The following SUN2 variants were observed in gnomAD, a reference collection of about 807,000 sequenced individuals.
SUN2 encodes SUN domain-containing protein 2.
SUN2 carries 60 observed loss-of-function variants against 100.0 expected under a neutral mutation model. The ratio of observed to expected loss-of-function variants is 0.60; its 90% CI spans 0.49 to 0.74. The LOEUF (loss-of-function observed/expected upper bound fraction) is 0.74. Ranked by LOEUF, SUN2 falls within the 30% of genes least tolerant of loss-of-function variation. The pLI, the probability that SUN2 is intolerant of heterozygous loss-of-function variation, is 0.00. For synonymous variants in SUN2, 367 were observed against 403.3 expected, an observed-to-expected ratio of 0.91 and a Z score of 1.08; for missense variants, 834 against 954.6, an observed-to-expected ratio of 0.87 and a Z score of 1.66.
In SUN2 at chr22:38,738,278, C is replaced by G; in HGVS notation, c.1948-13G>C. 1 of 1,610,394 alleles carries G rather than the reference C, an allele frequency of 6.2e-7. No homozygotes were observed. Among genetic ancestry groups the G allele is most frequent in the South Asian group, 1.1e-5 (1 of 90,946 alleles). On this transcript the variant is annotated splice_polypyrimidine_tract_variant and intron_variant, in intron 16 of 17. Transcript: ENST00000689035. This position sits in a 1 kb window ranked among gnomAD's most constrained non-coding sequence, Gnocchi z 6.6. ...CTTCGTCAAACCCCTGCAAAGAGAG[C>G]GGAGGGAAGTGGGGAGGGGCTGGAG...
At chr22:38,741,163 C>G in intron 10 of SUN2, 113 bp from the exon 11 acceptor site, 1 of 1,181,656 alleles carries the variant, frequency 8.5e-7, no homozygotes, top group Non-Finnish European at 1.2e-6. Flanking sequence ...TGCCCAAGGT[C>G]TCTTGACCCC....
Position 38,738,362 on chromosome 22 carries a change from C to G in SUN2, c.1948-97G>C. On this transcript the variant is annotated intron_variant, in intron 16 of 17. Transcript: ENST00000689035. This position sits in a 1 kb window ranked among gnomAD's most constrained non-coding sequence, Gnocchi z 6.6. The stretch of plus-strand genomic sequence containing the variant: ...CTCCTCCCACCCAGCAGGTCAGGCA[C>G]CAGAGTGGCCTATGACAAGTCACTT... 8.4e-7 allele frequency: 1 copy of G among 1,190,860 alleles called. No homozygotes were observed. Among genetic ancestry groups the G allele is most frequent in the Non-Finnish European group, 1.2e-6 (1 of 828,342 alleles). 73.8% of individuals were successfully genotyped at this position (1,190,860 alleles called of 1,614,324 possible). A position where few individuals can be genotyped will look rare whatever the true frequency, so the allele number is the denominator to read the frequency against.
rs765469369 is a variant in SUN2 at position 38,736,098 on chromosome 22, G to C, written c.*169C>G. The stretch of plus-strand genomic sequence containing the variant: ...GCTGCTGGAGCCTGCTAACCGCCTC[G>C]AGCCACCTGCTGCTCAGGAGACCCT... On this transcript the variant is annotated 3_prime_UTR_variant, in exon 18 of 18. Transcript: ENST00000689035. 4.2e-6 allele frequency: 3 copies of C among 706,996 alleles called. No individual in the cohort carries two copies. Among genetic ancestry groups the C allele is most frequent in the Non-Finnish European group, 7.7e-6 (3 of 389,036 alleles). The allele number at this position is 706,996 out of a possible 1,614,324, so 43.8% of individuals were successfully genotyped here. A position where few individuals can be genotyped will look rare whatever the true frequency, so the allele number is the denominator to read the frequency against.
At chr22:38,736,743 G>C (rs138703) in intron 17 of SUN2, 1 of 180,602 alleles carries the variant, frequency 5.5e-6, no homozygotes. Flanking sequence ...TCTAGCCACA[G>C]TGTTGGGAAT....
intron 17 of SUN2, chr22:38,736,667 A>C: frequency 3.9e-6 from 1 of 259,198 alleles, no homozygotes. Flanking sequence ...ACCTTCATAG[A>C]GGGCTTCATA....
intron 8 of SUN2, chr22:38,742,788 G>A: frequency 1.8e-6 from 1 of 557,222 alleles, no homozygotes; most frequent in Non-Finnish European, 3.2e-6. Flanking sequence ...GGTCCCTGAG[G>A]ACACAGTACC....
chr22:38,736,238 T>TA lies in SUN2; in HGVS notation c.*28_*29insT, dbSNP rs748307914. ...GGGGTGCTGTTCACCCACTCCCAGATGGCTGGCAGCAGGCACCAGTAAGCA... is the reference window on the plus strand; with the variant it reads ...GGGGTGCTGTTCACCCACTCCCAGATAGGCTGGCAGCAGGCACCAGTAAGCA... On this transcript the variant is annotated 3_prime_UTR_variant, in exon 18 of 18. Transcript: ENST00000689035. 1 of 1,598,740 alleles carries TA rather than the reference T, an allele frequency of 6.3e-7. No homozygotes were observed. The highest frequency in any genetic ancestry group is 1.1e-5 in the South Asian group (1 of 89,938).
Position 38,737,665 on chromosome 22 carries a change from T to G in SUN2, c.2040+508A>C. On this transcript the variant is annotated intron_variant, in intron 17 of 17. Coordinates refer to ENST00000689035, the MANE Select transcript of SUN2 (RefSeq NM_015374.3). This position sits in a 1 kb window ranked among gnomAD's most constrained non-coding sequence, Gnocchi z 4.1. ...TCCAGGACTCCCCCGGTGTGGGGCT[T>G]AGGCCAATGGTTTGTTCAAATGCAG... The G allele has an allele frequency of 2.9e-6, 1 of 346,614 alleles. No homozygotes were observed. The highest frequency in any genetic ancestry group is 7.7e-5 in the East Asian group (1 of 13,056). The allele number at this position is 346,614 out of a possible 1,614,324, so 21.5% of individuals were successfully genotyped here.
At chr22:38,748,315 C>CA (rs972597674) in intron 7 of SUN2, among the ~76,000 whole-genome samples, 1 of 152,150 alleles carries the variant, frequency 6.6e-6, no homozygotes, top group Non-Finnish European at 1.5e-5. Flanking sequence ...AACTCTGTCT[C>CA]AAAAAACAAA....
rs2092824337 is a variant in SUN2 at position 38,738,253 on chromosome 22, C to G, written c.1960G>C (p.Asp654His). The G allele has an allele frequency of 6.2e-7, 1 of 1,613,658 alleles. No homozygotes were observed. Among genetic ancestry groups the G allele is most frequent in the Non-Finnish European group, 8.5e-7 (1 of 1,179,928 alleles). Residue 654 changes from aspartate (D) to histidine (H), a missense_variant, in exon 17 of 18, where the codon GAC becomes CAC. By Grantham distance (81) the Asp-to-His change is moderately conservative (BLOSUM62 -1). This residue lies in a region of SUN2 where 195 missense variants were observed against 280.2 expected (regional missense o/e 0.70). Coordinates refer to ENST00000689035, the MANE Select transcript of SUN2 (RefSeq NM_015374.3). This position sits in a 1 kb window ranked among gnomAD's most constrained non-coding sequence, Gnocchi z 6.6. ...AGGAGTGTCCCCTCCTGCTGCAGGTCTTCGTCAAACCCCTGCAAAGAGAGC... is the reference window on the plus strand; with the variant it reads ...AGGAGTGTCCCCTCCTGCTGCAGGTGTTCGTCAAACCCCTGCAAAGAGAGC... ...KDFAIFGFDE[D>H]LQQEGTLLGK...
intron 9 of SUN2, among the ~76,000 whole-genome samples, 160 bp downstream of exon 9, chr22:38,742,141 T>C (rs1469909370): frequency 6.8e-6 from 1 of 147,308 alleles, no homozygotes; most frequent in Non-Finnish European, 1.5e-5. Flanking sequence ...AGATATTGTC[T>C]CAAAAAGAAA....
Position 38,755,831 on chromosome 22 carries a change from C to G in SUN2, c.-106G>C. On this transcript the variant is annotated 5_prime_UTR_variant, in exon 1 of 18. Coordinates refer to ENST00000689035, the MANE Select transcript of SUN2 (RefSeq NM_015374.3). This position sits in a 1 kb window ranked among gnomAD's most constrained non-coding sequence, Gnocchi z 5.7. ...CCAGGCCGCCGCCGGGGCGCGCCCC[C>G]TTTCCGCGTGGGGATCCCGCGGGCG... 1 of 983,394 alleles carries G rather than the reference C, an allele frequency of 1.0e-6. No homozygotes were observed. Among genetic ancestry groups the G allele is most frequent in the Non-Finnish European group, 1.2e-6 (1 of 829,206 alleles). 60.9% of individuals were successfully genotyped at this position (983,394 alleles called of 1,614,324 possible).
At position 38,745,859 on chromosome 22, in the gene SUN2, G is replaced by A. The variant is rs777792700; in HGVS notation, c.686-48C>T. On this transcript the variant is annotated intron_variant, in intron 7 of 17. Coordinates refer to ENST00000689035, the MANE Select transcript of SUN2 (RefSeq NM_015374.3). ...TACCCCAGCTGGGCCTCCAGCAAGA[G>A]GCGCGCGCCAGGGAGGATGGCTACC... is the stretch of plus-strand genomic sequence containing the variant. 5.2e-5 allele frequency: 83 copies of A among 1,600,212 alleles called. No homozygotes were observed. In the Admixed American group the frequency reaches 1.4e-3, roughly 27 times the overall value.
chr22:38,748,036 C>T (rs1481200424), intron 7 of SUN2, among the ~76,000 whole-genome samples: 1 of 152,104 alleles, frequency 6.6e-6, no homozygotes, highest in Non-Finnish European at 1.5e-5. Flanking sequence ...GCACTTATGG[C>T]CGGGCACGGT....
chr22:38,751,399 G>C, intron 2 of SUN2, 26 bp from the exon 3 acceptor site: 1 of 1,611,360 alleles, frequency 6.2e-7, no homozygotes, highest in East Asian at 2.2e-5. Flanking sequence ...GAGGGCAGAG[G>C]TAGGGAGCAG....
rs2146082248 is a variant in SUN2 at position 38,751,269 on chromosome 22, T to C, written c.227A>G (p.His76Arg). ...GCTCCTGGGTGGGAACCAGGACTCG[T>C]GGACCAGCGACTCACTGTAGTAGGA... Reference protein sequence around the residue: ...HTSYYSESLVHESWFPPRSSL... With the variant: ...HTSYYSESLVRESWFPPRSSL... The change falls in exon 3 of 18, where the codon CAC becomes CGC. Residue 76 changes from histidine (H) to arginine (R), a missense_variant. Physicochemically the swap from His to Arg is conservative, Grantham distance 29 (BLOSUM62 0). Transcript: ENST00000689035. 1 of 1,614,110 alleles carries C rather than the reference T, an allele frequency of 6.2e-7. No homozygotes were observed. The highest frequency in any genetic ancestry group is 8.5e-7 in the Non-Finnish European group (1 of 1,179,982).
Position 38,742,833 on chromosome 22 carries a change from C to T in SUN2, c.814-278G>A, listed in dbSNP as rs890836214. 23 of 398,600 alleles carry T rather than the reference C, an allele frequency of 5.8e-5. 1 individual carries two copies. In the South Asian group the frequency reaches 5.8e-4, roughly 10 times the overall value. 24.7% of individuals were successfully genotyped at this position (398,600 alleles called of 1,614,324 possible). ...TCCCAGAGGAGGAAGGAAGGTGGGC[C>T]GGGGAGAAGGTCTGAGTGCAGGGAT... On this transcript the variant is annotated intron_variant, in intron 8 of 17. Coordinates refer to ENST00000689035, the MANE Select transcript of SUN2 (RefSeq NM_015374.3).
Position 38,742,552 on chromosome 22 carries a change from C to T in SUN2, c.817G>A (p.Glu273Lys), listed in dbSNP as rs747536298. The T allele has an allele frequency of 9.3e-6, 15 of 1,609,522 alleles. No individual in the cohort carries two copies. The East Asian group carries it at 2.7e-4, about 29-fold the overall frequency. Residue 273 changes from glutamate (E) to lysine (K), a missense_variant, in exon 9 of 18, where the codon GAG becomes AAG. By Grantham distance (56) the Glu-to-Lys change is moderately conservative. Around this residue, in one of 3 missense-constraint regions of SUN2, gnomAD observed 559 missense variants for 597.7 expected, o/e 0.94. Transcript: ENST00000689035. Reference sequence around the variant, plus strand: ...TGTACCCGGGACATAACACGCTGCTCAGCCTGGAAGGGCAGAGAGAGAGCC... The same window carrying T: ...TGTACCCGGGACATAACACGCTGCTTAGCCTGGAAGGGCAGAGAGAGAGCC... Reference protein sequence around the residue: ...ARDSSPHFQAEQRVMSRVHSL... With the variant: ...ARDSSPHFQAKQRVMSRVHSL...
chr22:38,746,760 G>C (rs1255106820), intron 7 of SUN2, among the ~76,000 whole-genome samples: 1 of 152,216 alleles, frequency 6.6e-6, no homozygotes, highest in Admixed American at 6.5e-5. Context: ...GGCCGGGCGC[G>C]GTGGCTCACG....
Sources: allele counts gnomAD v4.1 joint callset (sites outside exome capture counted in the v4.1 genomes callset), GRCh38; gene constraint gnomAD v4.1.1; regional missense constraint gnomAD v4.1.1; non-coding constraint Gnocchi (gnomAD v3.1); transcripts MANE v1.5; gene names NCBI Gene and HGNC (gene_info 2026-07-23, HGNC 2026-07-21).